The following AP1M2 variants were observed in gnomAD, a reference collection of about 807,000 sequenced individuals.
AP1M2 encodes the protein adaptor related protein complex 1 subunit mu 2.
A neutral mutation model predicts 54.6 loss-of-function variants in AP1M2; 41 were observed. The observed-to-expected ratio is 0.75, with a 90% confidence interval of 0.59 to 0.97. The LOEUF is 0.97. Among genes scored for constraint, AP1M2 ranks in the 50% least tolerant of loss-of-function variants. The probability of loss-of-function intolerance (pLI) is 0.00; values close to 1 mark genes in which losing one functional copy is unlikely to be tolerated. For missense variants in AP1M2, 507 were observed against 561.2 expected, an observed-to-expected ratio of 0.90 and a Z score of 0.98; for synonymous variants, 219 against 215.9, an observed-to-expected ratio of 1.01 and a Z score of -0.13.
At chr19:10,576,066 G>A (rs1474708730) in intron 9 of AP1M2, among the ~76,000 whole-genome samples, 2 of 146,136 alleles carry the variant, frequency 1.4e-5, no homozygotes, top group South Asian at 2.2e-4. Context: ...GAGCCACTGC[G>A]CCTGGCCTTG....
At chr19:10,585,881 C>T (rs1049648476) in intron 1 of AP1M2, among the ~76,000 whole-genome samples, 3 of 151,922 alleles carry the variant, frequency 2.0e-5, no homozygotes, top group Non-Finnish European at 2.9e-5. Flanking sequence ...ACCTGTCATC[C>T]GAACACTTTG....
chr19:10,586,733 C>G (rs1917665468), intron 1 of AP1M2, among the ~76,000 whole-genome samples: 1 of 151,732 alleles, frequency 6.6e-6, no homozygotes, highest in Admixed American at 6.6e-5. Flanking sequence ...GACCCTGTCT[C>G]CAAAATAAAA....
chr19:10,580,205 C>T (rs1338958095), intron 6 of AP1M2, among the ~76,000 whole-genome samples: 4 of 152,070 alleles, frequency 2.6e-5, no homozygotes, highest in Non-Finnish European at 5.9e-5. Flanking sequence ...GAATGTGCTA[C>T]CACCCCCGGC....
intron 8 of AP1M2, among the ~76,000 whole-genome samples, chr19:10,578,663 C>T (rs567539998): frequency 1.3e-5 from 2 of 151,944 alleles, no homozygotes; most frequent in African/African-American, 4.8e-5. Flanking sequence ...GCAATCCTCC[C>T]ACCTCAGCCT....
chr19:10,583,579 G>C (rs1309084947), intron 3 of AP1M2, 27 bp downstream of exon 3: 1 of 1,553,972 alleles, frequency 6.4e-7, no homozygotes, highest in African/African-American at 1.4e-5. Flanking sequence ...GGATAGACCA[G>C]TTAGCCAATG....
chr19:10,574,759 G>T, intron 10 of AP1M2, 145 bp downstream of exon 10: 1 of 1,183,968 alleles, frequency 8.4e-7, no homozygotes, highest in Non-Finnish European at 1.2e-6. Flanking sequence ...GGCAGATAAA[G>T]GTAACATTGC....
Position 10,584,196 on chromosome 19 carries a change from G to C in AP1M2, c.43-126C>G, listed in dbSNP as rs945052379. 4.0e-6 allele frequency: 5 copies of C among 1,240,834 alleles called. No homozygotes were observed. In the African/African-American group the frequency reaches 7.5e-5, roughly 19 times the overall value. 76.9% of individuals were successfully genotyped at this position (1,240,834 alleles called of 1,614,324 possible). ...GGCTTGGGCAAGGCTCTGCCTCCTT[G>C]TGCCTGTTTCCTGCTCTGTAAAATG... On this transcript the variant is annotated intron_variant, in intron 1 of 11. Transcript: ENST00000250244.
chr19:10,576,093 G>GTTT (rs35332266), intron 9 of AP1M2, among the ~76,000 whole-genome samples: 3 of 135,090 alleles, frequency 2.2e-5, no homozygotes, highest in African/African-American at 5.6e-5. Context: ...TTTTTTCTAA[G>GTTT]TTTTTTTTTT....
chr19:10,577,381 A>T, intron 8 of AP1M2, 25 bp from the exon 9 acceptor site: 1 of 1,546,866 alleles, frequency 6.5e-7, no homozygotes, highest in Non-Finnish European at 8.8e-7. Context: ...AGCATGGGGC[A>T]CGAAGAATTC....
At chr19:10,573,902 C>T (rs1917140916) in intron 11 of AP1M2, among the ~76,000 whole-genome samples, 1 of 152,062 alleles carries the variant, frequency 6.6e-6, no homozygotes, top group East Asian at 1.9e-4. Context: ...CTCAAGCGGT[C>T]CTCCCACCTC....
chr19:10,585,347 G>GAA (rs1286745494), intron 1 of AP1M2, among the ~76,000 whole-genome samples: 1 of 149,986 alleles, frequency 6.7e-6, no homozygotes, highest in East Asian at 1.9e-4. Context: ...AAGAAAGAAA[G>GAA]AAAGAAAGAT....
chr19:10,582,836 T>C (rs1016027693), intron 3 of AP1M2, among the ~76,000 whole-genome samples: 6 of 150,732 alleles, frequency 4.0e-5, no homozygotes, highest in African/African-American at 1.5e-4. Flanking sequence ...GCTTCTTTTT[T>C]TTTTTTTGAG....
chr19:10,576,391 T>C (rs944576520), intron 9 of AP1M2, among the ~76,000 whole-genome samples: 1 of 149,594 alleles, frequency 6.7e-6, no homozygotes, highest in Non-Finnish European at 1.5e-5. Context: ...GCCTCCCAAA[T>C]AGCTGGGACT....
intron 3 of AP1M2, 32 bp from the exon 4 acceptor site, chr19:10,581,910 AG>A: frequency 6.4e-7 from 1 of 1,551,220 alleles, no homozygotes; most frequent in South Asian, 1.2e-5. Flanking sequence ...GACCCACAAA[AG>A]TGTGGCTATG....
In AP1M2 at chr19:10,574,629, G is replaced by A. The variant is rs1184412089; in HGVS notation, c.1174-137C>T. Reference sequence around the variant, plus strand: ...GAGGGGATATCACATGGTCTTAGGGGGATGAGGTGGCACAGGCAACGGAAT... The same window carrying A: ...GAGGGGATATCACATGGTCTTAGGGAGATGAGGTGGCACAGGCAACGGAAT... On this transcript the variant is annotated intron_variant, in intron 10 of 11. Coordinates refer to ENST00000250244, the MANE Select transcript of AP1M2 (RefSeq NM_005498.5). 8.7e-6 allele frequency: 7 copies of A among 802,624 alleles called. No homozygotes were observed. The East Asian group carries it at 1.7e-4, about 19-fold the overall frequency. 49.7% of individuals were successfully genotyped at this position (802,624 alleles called of 1,614,324 possible). A position where few individuals can be genotyped will look rare whatever the true frequency, so the allele number is the denominator to read the frequency against.
intron 11 of AP1M2, among the ~76,000 whole-genome samples, chr19:10,573,938 G>T (rs1443654029): frequency 6.6e-6 from 1 of 151,604 alleles, no homozygotes; most frequent in Non-Finnish European, 1.5e-5. Flanking sequence ...TGGAATTACA[G>T]ATGTGAGCCA....
intron 1 of AP1M2, among the ~76,000 whole-genome samples, chr19:10,584,535 G>A (rs188288818): frequency 1.4e-4 from 22 of 152,030 alleles, no homozygotes; most frequent in Admixed American, 9.2e-4. Context: ...AGCCGAGATC[G>A]TGCCACTGCA....
intron 6 of AP1M2, among the ~76,000 whole-genome samples, chr19:10,580,388 G>A (rs1002710637): frequency 6.6e-6 from 1 of 152,014 alleles, no homozygotes; most frequent in Non-Finnish European, 1.5e-5. Context: ...GAGGCCTGGC[G>A]TGGTGGCTCA....
At chr19:10,577,496 C>A (rs1383836652) in intron 8 of AP1M2, 140 bp from the exon 9 acceptor site, 1 of 899,932 alleles carries the variant, frequency 1.1e-6, no homozygotes, top group Non-Finnish European at 1.5e-6. Context: ...TGCAGTGGCG[C>A]GATCTCGGCT....
Sources: gnomAD v4.1 joint callset for allele counts (sites outside exome capture counted in the v4.1 genomes callset) on GRCh38, gnomAD v4.1.1 for gene constraint, MANE v1.5 for transcripts, NCBI Gene and HGNC (gene_info 2026-07-23, HGNC 2026-07-21) for gene names.